RCBTB1: variants seen among roughly 807,000 people sequenced by gnomAD.
The protein encoded by RCBTB1 is RCC1 and BTB domain containing protein 1, also known as RCC1 and BTB domain-containing protein 1.
In RCBTB1, 46 loss-of-function variants were observed where a neutral mutation model predicts 62.4. The observed-to-expected ratio is 0.74, with a 90% CI of 0.58 to 0.94. The LOEUF (loss-of-function observed/expected upper bound fraction) is 0.94, where lower values mean the gene tolerates loss of function less well. RCBTB1 is among the 40% of genes least tolerant of loss of function. The pLI, the probability that RCBTB1 is intolerant of heterozygous loss-of-function variation, is 0.00. For missense variants in RCBTB1, 565 were observed against 654.9 expected (o/e 0.86, Z 1.50); for synonymous variants, 222 against 245.8 (o/e 0.90, Z 0.91).
intron 6 of RCBTB1, among the ~76,000 whole-genome samples, chr13:49,553,598 A>C (rs1201864244): frequency 1.3e-5 from 2 of 152,178 alleles, no homozygotes; most frequent in Non-Finnish European, 2.9e-5. Context: ...AAAAGTACTG[A>C]CCAGGAACAA....
chr13:49,545,545 T>C (rs1960721492), intron 9 of RCBTB1, among the ~76,000 whole-genome samples: 1 of 152,236 alleles, frequency 6.6e-6, no homozygotes, highest in African/African-American at 2.4e-5. Context: ...TGTGGTTATA[T>C]GTTAAGTAGA....
intron 8 of RCBTB1, chr13:49,550,001 C>CT (rs952659017): frequency 2.6e-5 from 19 of 743,886 alleles, no homozygotes; most frequent in Non-Finnish European, 2.8e-5. Flanking sequence ...TTTTTTTTTT[C>CT]TTTTTTGAGA....
At chr13:49,546,453 C>T in intron 9 of RCBTB1, 5 of 504,220 alleles carry the variant, frequency 9.9e-6, no homozygotes, top group South Asian at 8.6e-5. Context: ...CGGACCGAGG[C>T]GGGGAGGAGG....
At chr13:49,566,264 AT>A (rs57855009) in intron 4 of RCBTB1, among the ~76,000 whole-genome samples, 36,386 of 150,230 alleles carry the variant, frequency 0.24, 5,723 homozygotes, top group African/African-American at 0.44. Flanking sequence ...CAATAAAAAA[AT>A]AAAATAAAAT....
chr13:49,576,414 C>T (rs74855677), intron 2 of RCBTB1, among the ~76,000 whole-genome samples: 1,741 of 152,120 alleles, frequency 0.011, 20 homozygotes, highest in Non-Finnish European at 0.016. Flanking sequence ...CTCAAAGATA[C>T]ATTTCTAAAA....
chr13:49,553,876 A>G (rs1186296247), intron 6 of RCBTB1, among the ~76,000 whole-genome samples: 2 of 152,354 alleles, frequency 1.3e-5, no homozygotes, highest in African/African-American at 2.4e-5. Flanking sequence ...AATTCTTTGG[A>G]AATTTATTCT....
At chr13:49,550,025 C>T (rs1334870832) in intron 8 of RCBTB1, 45 of 581,610 alleles carry the variant, frequency 7.7e-5, no homozygotes, top group Non-Finnish European at 9.7e-5. Flanking sequence ...GATCTCACTC[C>T]GTCACCCAGG....
chr13:49,575,919 G>A (rs1001389999), intron 2 of RCBTB1, among the ~76,000 whole-genome samples: 1 of 152,094 alleles, frequency 6.6e-6, no homozygotes, highest in Non-Finnish European at 1.5e-5. Context: ...CAGGTGTGGT[G>A]GCTCACGCCT....
intron 9 of RCBTB1, among the ~76,000 whole-genome samples, chr13:49,545,688 C>G (rs1960732602): frequency 6.6e-6 from 1 of 152,168 alleles, no homozygotes; most frequent in Non-Finnish European, 1.5e-5. Flanking sequence ...TCCAGAGATC[C>G]TGACCAGGCA....
chr13:49,565,286 A>G (rs1424256048), intron 4 of RCBTB1, among the ~76,000 whole-genome samples: 3 of 152,104 alleles, frequency 2.0e-5, no homozygotes, highest in South Asian at 2.1e-4. Flanking sequence ...CGAGGTGCCG[A>G]GATTGCAGAC....
At chr13:49,557,036 G>T (rs544205848) in intron 5 of RCBTB1, among the ~76,000 whole-genome samples, 1 of 152,312 alleles carries the variant, frequency 6.6e-6, no homozygotes, top group African/African-American at 2.4e-5. Flanking sequence ...TCTGGGGCAT[G>T]AGGCCTGTGT....
intron 2 of RCBTB1, among the ~76,000 whole-genome samples, chr13:49,574,124 T>G (rs563981588): frequency 1.1e-4 from 17 of 149,196 alleles, no homozygotes; most frequent in Middle Eastern, 3.6e-3. Context: ...TTTCTTTTTT[T>G]GGGGGTGGGG....
rs140806240 is a variant in RCBTB1 at position 49,581,237 on chromosome 13, T to C, written c.-121-653A>G. 3.4e-4 allele frequency among the ~76,000 whole-genome samples: 51 copies of C among 150,768 alleles called. No individual in the cohort carries two copies. The East Asian group carries it at 9.8e-3, about 29-fold the overall frequency. On this transcript the variant is annotated intron_variant, in intron 1 of 12. Coordinates refer to ENST00000378302, the MANE Select transcript of RCBTB1 (RefSeq NM_018191.4). ...TTAGAGGAAGTCCAGATGGCTATGG[T>C]AAGCCAGAAAAGAAGGGATTGAAGC...
intron 2 of RCBTB1, among the ~76,000 whole-genome samples, chr13:49,568,792 G>A (rs1963202801): frequency 6.6e-6 from 1 of 152,188 alleles, no homozygotes; most frequent in African/African-American, 2.4e-5. Flanking sequence ...AGCTGGGCAT[G>A]GTGGTGTGTG....
intron 5 of RCBTB1, among the ~76,000 whole-genome samples, chr13:49,557,389 G>C (rs187802788): frequency 1.3e-5 from 2 of 152,132 alleles, no homozygotes; most frequent in African/African-American, 4.8e-5. Context: ...TGGTACAAAA[G>C]ATTAGAAGAC....
chr13:49,555,699 G>A (rs1961803495), intron 5 of RCBTB1, 26 bp from the exon 6 acceptor site: 1 of 1,521,710 alleles, frequency 6.6e-7, no homozygotes, highest in Non-Finnish European at 8.8e-7. Flanking sequence ...AAAGGAAAAG[G>A]AAAGAATAGT....
At chr13:49,548,848 G>A (rs764245180) in intron 9 of RCBTB1, among the ~76,000 whole-genome samples, 9 of 147,544 alleles carry the variant, frequency 6.1e-5, no homozygotes, top group Non-Finnish European at 1.3e-4. Flanking sequence ...CTTCTGGGGT[G>A]ATTAAAACAA....
At chr13:49,545,125 T>C (rs111377946) in intron 9 of RCBTB1, among the ~76,000 whole-genome samples, 2 of 152,290 alleles carry the variant, frequency 1.3e-5, no homozygotes, top group African/African-American at 4.8e-5. Flanking sequence ...TAGAAATGTA[T>C]ATTTTTAAAG....
intron 4 of RCBTB1, among the ~76,000 whole-genome samples, chr13:49,566,230 A>ACCC (rs1962991039): frequency 6.6e-6 from 1 of 151,158 alleles, no homozygotes; most frequent in Non-Finnish European, 1.5e-5. Context: ...AAATCCCCCT[A>ACCC]TGCGAGAAAC....
Sources: gnomAD v4.1 joint callset for allele counts (sites outside exome capture counted in the v4.1 genomes callset) on GRCh38, gnomAD v4.1.1 for gene constraint, MANE v1.5 for transcripts, NCBI Gene and HGNC (gene_info 2026-07-23, HGNC 2026-07-21) for gene names.